THBS2: variants seen among roughly 807,000 people sequenced by gnomAD.
The protein encoded by THBS2 is thrombospondin-2.
A neutral mutation model predicts 135.2 loss-of-function variants in THBS2; 47 were observed. The ratio of observed to expected loss-of-function variants is 0.35; its 90% confidence interval spans 0.28 to 0.44. The LOEUF is 0.44. THBS2 is among the 20% of genes least tolerant of loss of function. The pLI is 1.00. For synonymous variants in THBS2, 639 were observed against 633.8 expected, an observed-to-expected ratio of 1.01 and a Z score of -0.12; for missense variants, 1,288 against 1,603.1, an observed-to-expected ratio of 0.80 and a Z score of 3.36.
chr6:169,249,882 T>A (rs974413459), intron 2 of THBS2, among the ~76,000 whole-genome samples: 5 of 151,940 alleles, frequency 3.3e-5, no homozygotes, highest in African/African-American at 1.2e-4. Context: ...TACAAAAAAT[T>A]AGCCAGGCAT....
At chr6:169,222,491 T>C in intron 18 of THBS2, 23 bp from the exon 19 acceptor site, 1 of 1,603,366 alleles carries the variant, frequency 6.2e-7, no homozygotes, top group Non-Finnish European at 8.5e-7. Flanking sequence ...CCATAAGGTT[T>C]CGTTAGAAAC....
chr6:169,245,608 C>G (rs373928807), intron 4 of THBS2, among the ~76,000 whole-genome samples: 2 of 152,042 alleles, frequency 1.3e-5, no homozygotes, highest in Non-Finnish European at 2.9e-5. Flanking sequence ...TTGGCTAACA[C>G]GCTGAAACCC....
Position 169,233,115 on chromosome 6 carries a change from T to C in THBS2, c.1652-98A>G, listed in dbSNP as rs116481767. ...CGTCAAACACTCTGGGATGTCTTTG[T>C]CATCGAATTGTGTAGTCAGGAACAC... On this transcript the variant is annotated intron_variant, in intron 10 of 21. Transcript: ENST00000617924. 2.2e-3 allele frequency: 3,115 copies of C among 1,411,492 alleles called. 58 individuals are homozygous for C. The African/African-American group carries it at 0.041, about 19-fold the overall frequency. The allele number at this position is 1,411,492 out of a possible 1,614,324, so 87.4% of individuals were successfully genotyped here.
At position 169,252,431 on chromosome 6, in the gene THBS2, G is replaced by T. The variant is rs528515525; in HGVS notation, c.-23+1293C>A. On this transcript the variant is annotated intron_variant, in intron 1 of 21. Coordinates refer to ENST00000617924, the MANE Select transcript of THBS2 (RefSeq NM_003247.5). This position sits in a 1 kb window ranked among gnomAD's most constrained non-coding sequence, Gnocchi z 4.3. ...AGTCCCCTAAGGACAGCTGTGTGGGGCTGGCCCTGCAGAGGCCAGCCAAGA... is the reference window on the plus strand; with the variant it reads ...AGTCCCCTAAGGACAGCTGTGTGGGTCTGGCCCTGCAGAGGCCAGCCAAGA... Among the ~76,000 whole-genome samples, 2 of 152,212 alleles carry T rather than the reference G, an allele frequency of 1.3e-5. No individual in the cohort carries two copies. The highest frequency in any genetic ancestry group is 2.9e-5 in the Non-Finnish European group (2 of 68,044).
chr6:169,218,063 T>A (rs1433570327), intron 21 of THBS2, among the ~76,000 whole-genome samples: 2 of 74,260 alleles, frequency 2.7e-5, no homozygotes, highest in African/African-American at 5.7e-5. Flanking sequence ...GATGGATGGA[T>A]GAAATGGATG....
At chr6:169,222,808 GAAAAAAAAGA>G (rs779415441) in intron 18 of THBS2, among the ~76,000 whole-genome samples, 23,702 of 108,868 alleles carry the variant, frequency 0.22, 2,198 homozygotes, top group Admixed American at 0.33. Context: ...AAAAAAAAAA[GAAAAAAAAGA>G]AAAAAAAAAG....
chr6:169,251,343 A>C (rs886928582), intron 1 of THBS2, among the ~76,000 whole-genome samples: 19 of 152,254 alleles, frequency 1.2e-4, no homozygotes, highest in Admixed American at 1.2e-3. Context: ...AAATAAACTT[A>C]ATTTGGTGAA....
chr6:169,236,629 A>C (rs1246015564), intron 9 of THBS2, among the ~76,000 whole-genome samples: 14 of 71,428 alleles, frequency 2.0e-4, no homozygotes, highest in East Asian at 1.2e-3. Context: ...ATCCACACTC[A>C]CTCCCATCCA....
Position 169,242,601 on chromosome 6 carries a change from T to TTCCCACCTTCCCACCAC in THBS2, c.695-644_695-643insGTGGTGGGAAGGTGGGA, listed in dbSNP as rs1562363005. Among the ~76,000 whole-genome samples, 456 of 71,376 alleles carry TTCCCACCTTCCCACCAC rather than the reference T, an allele frequency of 6.4e-3. 55 individuals carry two copies. Among genetic ancestry groups the TTCCCACCTTCCCACCAC allele is most frequent in the Middle Eastern group, 8.9e-3 (1 of 112 alleles). The allele number at this position is 71,376 out of a possible 152,430, so 46.8% of individuals were successfully genotyped here. ...TCCCCCAAATTCCCACCTTCCCACA[T>TTCCCACCTTCCCACCAC]TCCCACCTTCCCACCGCTCCCACCT... is the stretch of plus-strand genomic sequence containing the variant. On this transcript the variant is annotated intron_variant, in intron 4 of 21. Transcript: ENST00000617924.
At position 169,241,979 on chromosome 6, in the gene THBS2, G is replaced by A. The variant is rs766090490; in HGVS notation, c.695-21C>T. The A allele has an allele frequency of 6.3e-7, 1 of 1,593,262 alleles. No individual in the cohort carries two copies. Among genetic ancestry groups the A allele is most frequent in the Non-Finnish European group, 8.6e-7 (1 of 1,167,668 alleles). ...CTCAGCTGAGGGCAAGCGTAGAAGG[G>A]CCGTGAGCATCACAGAGGACGGGGC... On this transcript the variant is annotated intron_variant, in intron 4 of 21. Coordinates refer to ENST00000617924, the MANE Select transcript of THBS2 (RefSeq NM_003247.5). This position sits in a 1 kb window ranked among gnomAD's most constrained non-coding sequence, Gnocchi z 5.5.
At chr6:169,250,594 C>G in intron 2 of THBS2, 139 bp downstream of exon 2, 1 of 628,310 alleles carries the variant, frequency 1.6e-6, no homozygotes, top group Non-Finnish European at 2.7e-6. Flanking sequence ...AAGTAAGTTA[C>G]TATTTGATTT....
intron 19 of THBS2, 77 bp downstream of exon 19, chr6:169,222,120 C>A (rs1779448982): frequency 6.7e-7 from 1 of 1,481,484 alleles, no homozygotes; most frequent in South Asian, 1.3e-5. Flanking sequence ...GGTCTCTGGA[C>A]TGGGCTAGTC....
intron 3 of THBS2, 69 bp downstream of exon 3, chr6:169,248,348 G>C: frequency 6.7e-7 from 1 of 1,503,460 alleles, no homozygotes; most frequent in East Asian, 2.3e-5. Flanking sequence ...ATCACCAGAC[G>C]CATTAGCAGA....
chr6:169,229,463 C>T, intron 14 of THBS2, 109 bp downstream of exon 14: 1 of 832,882 alleles, frequency 1.2e-6, no homozygotes, highest in Non-Finnish European at 2.0e-6. Context: ...CAAACGCTTG[C>T]AGGACAATGG....
rs1303148763 is a variant in THBS2, at chr6:169,252,675, TCAGCCCATC to T, written c.-23+1040_-23+1048del. Among the ~76,000 whole-genome samples the T allele has an allele frequency of 6.6e-6, 1 of 152,126 alleles. No individual in the cohort carries two copies. The highest frequency in any genetic ancestry group is 1.5e-5 in the Non-Finnish European group (1 of 68,026). Reference sequence around the variant, plus strand: ...GGATGAGCAGCCAGGCTACCTGGCCTCAGCCCATCCAGGGACACCGGGCATGCATGGATG... The same window carrying T: ...GGATGAGCAGCCAGGCTACCTGGCCTCAGGGACACCGGGCATGCATGGATG... On this transcript the variant is annotated intron_variant, in intron 1 of 21. Transcript: ENST00000617924. This position sits in a 1 kb window ranked among gnomAD's most constrained non-coding sequence, Gnocchi z 4.3.
chr6:169,229,809 G>A, intron 13 of THBS2, 130 bp from the exon 14 acceptor site: 2 of 677,884 alleles, frequency 3.0e-6, no homozygotes, highest in African/African-American at 1.8e-5. Context: ...ATCTCAAGCG[G>A]GAGCTGAGAG....
Position 169,234,910 on chromosome 6 carries a change from G to A in THBS2, c.1478-3C>T. 1 of 1,585,226 alleles carries A rather than the reference G, an allele frequency of 6.3e-7. No individual in the cohort carries two copies. Among genetic ancestry groups the A allele is most frequent in the Non-Finnish European group, 8.6e-7 (1 of 1,164,256 alleles). ...CCAGGGGCTCCAGCGGCCATCGACT[G>A]CGGGGAAAGCCAACCAGGGGGAGCT... On this transcript the variant is annotated splice_polypyrimidine_tract_variant and splice_region_variant and intron_variant, in intron 9 of 21. Transcript: ENST00000617924.
At chr6:169,236,898 A>T (rs1483305953) in intron 9 of THBS2, among the ~76,000 whole-genome samples, 2 of 152,206 alleles carry the variant, frequency 1.3e-5, no homozygotes, top group Non-Finnish European at 2.9e-5. Context: ...GTGCTGGATC[A>T]TTCTTCCTTT....
At chr6:169,250,078 C>T (rs1179402924) in intron 2 of THBS2, among the ~76,000 whole-genome samples, 1 of 152,098 alleles carries the variant, frequency 6.6e-6, no homozygotes, top group Admixed American at 6.5e-5. Context: ...TAGCCAAAGC[C>T]TTCCTTTTCA....
Sources: allele counts gnomAD v4.1 joint callset (sites outside exome capture counted in the v4.1 genomes callset), GRCh38; gene constraint gnomAD v4.1.1; non-coding constraint Gnocchi (gnomAD v3.1); transcripts MANE v1.5; gene names NCBI Gene and HGNC (gene_info 2026-07-23, HGNC 2026-07-21).